Variants in PCIF1 observed in about 807,000 individuals in gnomAD.
PCIF1 encodes the protein phosphorylated CTD interacting factor 1.
Under a neutral mutation model 86.9 loss-of-function variants are expected in PCIF1, and 12 were observed. The observed-to-expected ratio is 0.14, with a 90% confidence interval of 0.09 to 0.22. PCIF1 has a LOEUF of 0.22. PCIF1 is among the 10% of genes least tolerant of loss of function. The pLI, the probability that PCIF1 is intolerant of heterozygous loss-of-function variation, is 1.00. For missense variants in PCIF1, 701 were observed against 951.1 expected, an observed-to-expected ratio of 0.74 and a Z score of 3.46; for synonymous variants, 397 against 372.0, an observed-to-expected ratio of 1.07 and a Z score of -0.77.
chr20:45,946,643 G>A (rs886718721), intron 14 of PCIF1, among the ~76,000 whole-genome samples: 1 of 152,196 alleles, frequency 6.6e-6, no homozygotes, highest in Non-Finnish European at 1.5e-5. Context: ...AGGAACACGT[G>A]GTCCCAGGCC....
In PCIF1 at chr20:45,937,453, C is replaced by T; in HGVS notation, c.-152C>T. 1 of 399,318 alleles carries T rather than the reference C, an allele frequency of 2.5e-6. No individual in the cohort carries two copies. Among genetic ancestry groups the T allele is most frequent in the Non-Finnish European group, 4.4e-6 (1 of 226,266 alleles). The allele number at this position is 399,318 out of a possible 1,614,324, so 24.7% of individuals were successfully genotyped here. On this transcript the variant is annotated 5_prime_UTR_variant, in exon 2 of 17. Coordinates refer to ENST00000372409, the MANE Select transcript of PCIF1 (RefSeq NM_022104.4). ...AAGGAATCCCCTGGGCTCCCGTCCA[C>T]TCCACTGCTGACCAGCCCATTCGCC...
chr20:45,938,533 A>G (rs1163672389), intron 2 of PCIF1, among the ~76,000 whole-genome samples: 1 of 152,190 alleles, frequency 6.6e-6, no homozygotes, highest in East Asian at 1.9e-4. Context: ...TCCAGGTCCT[A>G]GGCCTGAGCA....
chr20:45,937,650 A>G (rs2083437842), intron 2 of PCIF1, 65 bp downstream of exon 2: 1 of 398,518 alleles, frequency 2.5e-6, no homozygotes, highest in Non-Finnish European at 4.4e-6. Flanking sequence ...GGCATCAGGA[A>G]TTCTTCCTGC....
chr20:45,946,474 G>A, intron 14 of PCIF1, 90 bp downstream of exon 14: 1 of 1,463,648 alleles, frequency 6.8e-7, no homozygotes, highest in Non-Finnish European at 9.3e-7. Context: ...GTGTCAGGCA[G>A]GCTTGGGTGG....
rs1372363007 is a variant in PCIF1, at chr20:45,946,258, A to G, written c.1487A>G (p.His496Arg). 5.6e-6 allele frequency: 9 copies of G among 1,614,158 alleles called. No homozygotes were observed. The highest frequency in any genetic ancestry group is 7.6e-6 in the Non-Finnish European group (9 of 1,180,028). The change falls in exon 14 of 17, where the codon CAT (histidine) becomes CGT (arginine). Residue 496 changes from histidine to arginine, a missense_variant. Physicochemically the swap from His to Arg is conservative, Grantham distance 29 (BLOSUM62 0). Coordinates refer to ENST00000372409, the MANE Select transcript of PCIF1 (RefSeq NM_022104.4). The part of the protein sequence containing the change: ...GTGLQGSLPV[H>R]VFEALHRLFG... The stretch of plus-strand genomic sequence containing the variant: ...GGCCTGCAGGGATCGCTGCCTGTGC[A>G]TGTCTTTGAGGCCCTCCACCGACTC...
Position 45,947,154 on chromosome 20 carries a change from C to T in PCIF1, c.1695C>T (p.Val565=), listed in dbSNP as rs1428148520. 3.7e-6 allele frequency: 6 copies of T among 1,613,070 alleles called. No homozygotes were observed. The highest frequency in any genetic ancestry group is 1.7e-5 in the Admixed American group (1 of 59,970). The change falls in exon 15 of 17, where the codon GTC becomes GTT. Residue 565 remains valine (V), a synonymous_variant. Transcript: ENST00000372409. This position sits in a 1 kb window ranked among gnomAD's most constrained non-coding sequence, Gnocchi z 5.4. ...GCGAGGAGCTCATGGATGCCATGGT[C>T]TCTCACTTTGAGGTGGGTGCACTGC... ...PFCEELMDAM[V]SHFERLLESS... is the part of the protein sequence containing the mutation.
rs2083398498 is a variant in PCIF1 at position 45,934,690 on chromosome 20, C to A, written c.-302C>A. 2.5e-6 allele frequency: 1 copy of A among 398,546 alleles called. No homozygotes were observed. The highest frequency in any genetic ancestry group is 2.1e-5 in the African/African-American group (1 of 48,706). The allele number at this position is 398,546 out of a possible 1,614,324, so 24.7% of individuals were successfully genotyped here. ...TACCAGCGCATGCGCAGCGCGGAGT[C>A]CCGGCCCGGGACACAAGATGGCGGC... On this transcript the variant is annotated 5_prime_UTR_variant, in exon 1 of 17. Coordinates refer to ENST00000372409, the MANE Select transcript of PCIF1 (RefSeq NM_022104.4).
chr20:45,935,381 T>A (rs1417094494), intron 1 of PCIF1, among the ~76,000 whole-genome samples: 1 of 152,072 alleles, frequency 6.6e-6, no homozygotes, highest in East Asian at 1.9e-4. Context: ...TTTTTCTGGT[T>A]GCGCAGATAG....
intron 1 of PCIF1, among the ~76,000 whole-genome samples, chr20:45,936,864 G>T (rs1261115490): frequency 6.6e-6 from 1 of 152,216 alleles, no homozygotes; most frequent in Non-Finnish European, 1.5e-5. Flanking sequence ...GGAGTTGGAG[G>T]TTGCAGTGAG....
intron 7 of PCIF1, among the ~76,000 whole-genome samples, chr20:45,941,824 CCTT>C (rs923371815): frequency 2.6e-5 from 4 of 151,298 alleles, no homozygotes; most frequent in African/African-American, 9.7e-5. Context: ...TGGGCTCAAG[CCTT>C]CTGCTTGCCT....
At position 45,943,805 on chromosome 20, in the gene PCIF1, C is replaced by T; in HGVS notation, c.1005+40C>T. On this transcript the variant is annotated intron_variant, in intron 10 of 16. Transcript: ENST00000372409. The surrounding 1 kb of genome is among the most constrained non-coding windows in gnomAD (Gnocchi z 5.5). ...GGGTGAGAAGGCCAGTTTTAGGGCTCTGTGGCCACTTCCTCCAGGAAGCCT... is the reference window on the plus strand; with the variant it reads ...GGGTGAGAAGGCCAGTTTTAGGGCTTTGTGGCCACTTCCTCCAGGAAGCCT... 2 of 1,497,122 alleles carry T rather than the reference C, an allele frequency of 1.3e-6. No homozygotes were observed. Among genetic ancestry groups the T allele is most frequent in the Non-Finnish European group, 1.8e-6 (2 of 1,100,218 alleles). 92.7% of individuals were successfully genotyped at this position (1,497,122 alleles called of 1,614,324 possible).
chr20:45,945,945 T>A lies in PCIF1; in HGVS notation c.1341+62T>A, dbSNP rs540171799. On this transcript the variant is annotated intron_variant, in intron 12 of 16. Transcript: ENST00000372409. ...ATGAGTCAGGGCCTAGGATCTTTCC[T>A]GAGCAGAGTCCCCAGCAGGAGGCCA... 5 of 1,613,230 alleles carry A rather than the reference T, an allele frequency of 3.1e-6. No individual in the cohort carries two copies. The Admixed American group carries it at 8.3e-5, about 27-fold the overall frequency.
rs1350003302 is a variant in PCIF1 at position 45,947,767 on chromosome 20, G to A, written c.*12G>A. On this transcript the variant is annotated 3_prime_UTR_variant, in exon 17 of 17. Transcript: ENST00000372409. The surrounding 1 kb of genome is among the most constrained non-coding windows in gnomAD (Gnocchi z 5.4). The stretch of plus-strand genomic sequence containing the variant: ...CTCACCCCACTTAACATATCCTGCG[G>A]GGAGGAGGAGCCCCAGGGGTGCTAG... 3.8e-6 allele frequency: 6 copies of A among 1,591,436 alleles called. No individual in the cohort carries two copies. In the African/African-American group the frequency reaches 8.1e-5, roughly 21 times the overall value.
At position 45,945,652 on chromosome 20, in the gene PCIF1, A is replaced by G. The variant is rs2083517414; in HGVS notation, c.1169-59A>G. The stretch of plus-strand genomic sequence containing the variant: ...TCTCTCGGTACAAAGCATGTGGCCC[A>G]CAGTGGCTGCAGCGTGAGAATGAGG... On this transcript the variant is annotated intron_variant, in intron 11 of 16. Transcript: ENST00000372409. The G allele has an allele frequency of 1.4e-5, 22 of 1,578,102 alleles. No individual in the cohort carries two copies. In the South Asian group the frequency reaches 2.3e-4, roughly 16 times the overall value.
intron 14 of PCIF1, 71 bp downstream of exon 14, chr20:45,946,455 C>A: frequency 6.5e-7 from 1 of 1,538,748 alleles, no homozygotes. Context: ...CCCGCCTCTG[C>A]TGGCTGTAGT....
At chr20:45,941,448 T>A (rs2083468885) in intron 7 of PCIF1, among the ~76,000 whole-genome samples, 2 of 152,224 alleles carry the variant, frequency 1.3e-5, no homozygotes, top group Non-Finnish European at 2.9e-5. Context: ...CTGTAGTTTT[T>A]AATTTTATTT....
chr20:45,945,245 C>T (rs1224794109), intron 11 of PCIF1, among the ~76,000 whole-genome samples: 3 of 152,190 alleles, frequency 2.0e-5, no homozygotes, highest in African/African-American at 7.2e-5. Context: ...TTAGGTGTAC[C>T]TGAATTTACA....
intron 1 of PCIF1, among the ~76,000 whole-genome samples, chr20:45,935,570 G>C (rs1358583847): frequency 2.0e-5 from 3 of 152,150 alleles, no homozygotes; most frequent in Admixed American, 2.0e-4. Context: ...AAGCAGAAGG[G>C]CCCGGAATCC....
At chr20:45,944,312 G>A (rs1011117070) in intron 10 of PCIF1, among the ~76,000 whole-genome samples, 1 of 152,194 alleles carries the variant, frequency 6.6e-6, no homozygotes. Flanking sequence ...CACGTAGAGA[G>A]TGACAAAGGT....
Sources: gnomAD v4.1 joint callset for allele counts (sites outside exome capture counted in the v4.1 genomes callset) on GRCh38, gnomAD v4.1.1 for gene constraint, Gnocchi (gnomAD v3.1) non-coding constraint, MANE v1.5 for transcripts, NCBI Gene and HGNC (gene_info 2026-07-23, HGNC 2026-07-21) for gene names.